The following TSC22D2 variants were observed in gnomAD, a reference collection of about 807,000 sequenced individuals.
The protein encoded by TSC22D2 is TSC22 domain family member 2, also known as TSC22 domain family protein 2.
A neutral mutation model predicts 50.1 loss-of-function variants in TSC22D2; 5 were observed. The ratio of observed to expected loss-of-function variants is 0.10; its 90% CI spans 0.05 to 0.21. The LOEUF is 0.21. Among genes scored for constraint, TSC22D2 ranks in the 10% least tolerant of loss-of-function variants. The pLI is 1.00. For synonymous variants in TSC22D2, 501 were observed against 450.1 expected (o/e 1.11, Z -1.43); for missense variants, 1,003 against 1,015.5 (o/e 0.99, Z 0.17).
intron 1 of TSC22D2, among the ~76,000 whole-genome samples, chr3:150,427,263 A>C (rs1333539538): frequency 6.6e-6 from 1 of 152,144 alleles, no homozygotes; most frequent in Admixed American, 6.5e-5. Context: ...CTCAAATTGA[A>C]CACACCTGTG....
At chr3:150,453,800 C>G (rs62269064) in intron 1 of TSC22D2, among the ~76,000 whole-genome samples, 1 of 152,150 alleles carries the variant, frequency 6.6e-6, no homozygotes, top group Non-Finnish European at 1.5e-5. Flanking sequence ...TTACTATGTG[C>G]TAAGCACTGA....
chr3:150,416,888 C>T (rs1719824904), intron 1 of TSC22D2, among the ~76,000 whole-genome samples: 1 of 152,100 alleles, frequency 6.6e-6, no homozygotes, highest in Non-Finnish European at 1.5e-5. Context: ...TTTAAAGCCT[C>T]AAATCAGACT....
chr3:150,460,954 T>C lies in TSC22D2; in HGVS notation c.*2318T>C, dbSNP rs1285287095. 1 of 152,166 alleles carries C rather than the reference T, an allele frequency of 6.6e-6. No individual in the cohort carries two copies. Among genetic ancestry groups the C allele is most frequent in the Non-Finnish European group, 1.5e-5 (1 of 68,022 alleles). 9.4% of individuals were successfully genotyped at this position (152,166 alleles called of 1,614,324 possible). On this transcript the variant is annotated 3_prime_UTR_variant, in exon 3 of 3. Transcript: ENST00000688009. ...AAACAGTAGAAAAGGAGAGAAAATA[T>C]GGGTAGTTCACAGAAGAGATAAATG...
At chr3:150,438,955 G>GA (rs34619361) in intron 1 of TSC22D2, among the ~76,000 whole-genome samples, 18 of 151,930 alleles carry the variant, frequency 1.2e-4, no homozygotes, top group African/African-American at 4.4e-4. Context: ...ATTCTGCTTA[G>GA]AAAAAAACTA....
At chr3:150,456,073 T>C (rs1030042416) in intron 1 of TSC22D2, among the ~76,000 whole-genome samples, 1 of 152,190 alleles carries the variant, frequency 6.6e-6, no homozygotes, top group African/African-American at 2.4e-5. Flanking sequence ...TTTTCAGTTA[T>C]TCCCAAGAAG....
At chr3:150,444,716 C>T (rs1271411459) in intron 1 of TSC22D2, among the ~76,000 whole-genome samples, 1 of 152,114 alleles carries the variant, frequency 6.6e-6, no homozygotes, top group Non-Finnish European at 1.5e-5. Flanking sequence ...TAAAAGAATT[C>T]AAGGACATGA....
intron 1 of TSC22D2, among the ~76,000 whole-genome samples, chr3:150,441,335 C>T (rs990927441): frequency 2.6e-5 from 4 of 152,074 alleles, no homozygotes; most frequent in Non-Finnish European, 5.9e-5. Flanking sequence ...ATATGTGATA[C>T]GTTTTTAATT....
intron 1 of TSC22D2, among the ~76,000 whole-genome samples, chr3:150,428,611 A>T (rs535658485): frequency 1.4e-5 from 2 of 144,732 alleles, no homozygotes; most frequent in East Asian, 3.9e-4. Flanking sequence ...AAAAAAAAAC[A>T]TACTTAGATA....
At chr3:150,444,561 C>T (rs1433003088) in intron 1 of TSC22D2, among the ~76,000 whole-genome samples, 2 of 152,154 alleles carry the variant, frequency 1.3e-5, no homozygotes, top group African/African-American at 4.8e-5. Context: ...CATTCCATCT[C>T]AAGTGACAGT....
chr3:150,454,626 A>G (rs1333533995), intron 1 of TSC22D2, among the ~76,000 whole-genome samples: 1 of 152,178 alleles, frequency 6.6e-6, no homozygotes, highest in Non-Finnish European at 1.5e-5. Flanking sequence ...AGACCTCCAG[A>G]TGATTCTGGT....
At position 150,463,925 on chromosome 3, in the gene TSC22D2, G is replaced by A. The variant is rs1462292788; in HGVS notation, c.*5289G>A. 1 of 152,106 alleles carries A rather than the reference G, an allele frequency of 6.6e-6. No individual in the cohort carries two copies. Among genetic ancestry groups the A allele is most frequent in the Non-Finnish European group, 1.5e-5 (1 of 68,028 alleles). 9.4% of individuals were successfully genotyped at this position (152,106 alleles called of 1,614,324 possible). ...TCTCAGCAGGGAAACTGATAGACTA[G>A]GCAGTTTGGGGAATTTTCCCATTGT... On this transcript the variant is annotated 3_prime_UTR_variant, in exon 3 of 3. Coordinates refer to ENST00000688009, the MANE Select transcript of TSC22D2 (RefSeq NM_001303264.2).
intron 1 of TSC22D2, among the ~76,000 whole-genome samples, chr3:150,428,502 T>C (rs932003928): frequency 2.0e-5 from 3 of 151,676 alleles, no homozygotes; most frequent in Non-Finnish European, 4.4e-5. Context: ...ACAGCATTTA[T>C]AAATTTAACT....
At position 150,409,450 on chromosome 3, in the gene TSC22D2, G is replaced by T. The variant is rs1719410649; in HGVS notation, c.100G>T (p.Asp34Tyr). The change falls in exon 1 of 3, where the codon GAC (aspartate) becomes TAC (tyrosine). Residue 34 changes from aspartate to tyrosine, a missense_variant. Asp to Tyr is a radical substitution (Grantham distance 160). Around this residue, in one of 6 missense-constraint regions of TSC22D2, gnomAD observed 200 missense variants for 182.8 expected, o/e 1.09. Coordinates refer to ENST00000688009, the MANE Select transcript of TSC22D2 (RefSeq NM_001303264.2). The surrounding 1 kb of genome is among the most constrained non-coding windows in gnomAD (Gnocchi z 7.4). ...CATCACCGAGGACACCGAGAGCTTG[G>T]ACGACCCGGACGAGTCACGCACAGA... The part of the protein sequence containing the change: ...TSITEDTESL[D>Y]DPDESRTEDV... 6.2e-7 allele frequency: 1 copy of T among 1,613,512 alleles called. No homozygotes were observed. Among genetic ancestry groups the T allele is most frequent in the Non-Finnish European group, 8.5e-7 (1 of 1,179,894 alleles).
rs1576536478 is a variant in TSC22D2 at position 150,408,936 on chromosome 3, A to C, written c.-415A>C. 3.2e-5 allele frequency: 5 copies of C among 156,848 alleles called. No homozygotes were observed. The highest frequency in any genetic ancestry group is 6.4e-5 in the Admixed American group (1 of 15,730). 9.7% of individuals were successfully genotyped at this position (156,848 alleles called of 1,614,324 possible). A position where few individuals can be genotyped will look rare whatever the true frequency, so the allele number is the denominator to read the frequency against. ...TCCTCCTCCTCCTCTTCGCCCTCCC[A>C]CTCCCACCCCCAGCCAAGGCCTGCT... On this transcript the variant is annotated 5_prime_UTR_variant, in exon 1 of 3. Coordinates refer to ENST00000688009, the MANE Select transcript of TSC22D2 (RefSeq NM_001303264.2).
intron 1 of TSC22D2, among the ~76,000 whole-genome samples, chr3:150,446,015 ACCTGGG>A: frequency 6.7e-6 from 1 of 149,124 alleles, no homozygotes. Context: ...AATCGCTTGA[ACCTGGG>A]AGGTGGAGGT....
chr3:150,438,581 T>A (rs1333886954), intron 1 of TSC22D2, among the ~76,000 whole-genome samples: 1 of 152,144 alleles, frequency 6.6e-6, no homozygotes, highest in Non-Finnish European at 1.5e-5. Context: ...AAAAAGAAAG[T>A]GAAATCCTGT....
At chr3:150,440,553 A>T (rs924510286) in intron 1 of TSC22D2, among the ~76,000 whole-genome samples, 1 of 152,120 alleles carries the variant, frequency 6.6e-6, no homozygotes, top group Non-Finnish European at 1.5e-5. Context: ...ACTAGGAAGC[A>T]TTAATTTAAA....
intron 1 of TSC22D2, among the ~76,000 whole-genome samples, chr3:150,435,301 G>T (rs1720503542): frequency 6.6e-6 from 1 of 151,834 alleles, no homozygotes. Context: ...TTAATTTTTT[G>T]GAACATACTG....
chr3:150,413,024 A>G (rs996694614), intron 1 of TSC22D2, among the ~76,000 whole-genome samples: 1 of 152,092 alleles, frequency 6.6e-6, no homozygotes, highest in Non-Finnish European at 1.5e-5. Flanking sequence ...CCACCCGAGA[A>G]TGCAGATTAC....
Sources: allele counts gnomAD v4.1 joint callset (sites outside exome capture counted in the v4.1 genomes callset), GRCh38; gene constraint gnomAD v4.1.1; regional missense constraint gnomAD v4.1.1; non-coding constraint Gnocchi (gnomAD v3.1); transcripts MANE v1.5; gene names NCBI Gene and HGNC (gene_info 2026-07-23, HGNC 2026-07-21).